Variants in FGF14 observed in about 807,000 individuals in gnomAD.
FGF14 encodes the protein fibroblast growth factor homologous factor 4.
In FGF14, 5 loss-of-function variants were observed where a neutral mutation model predicts 25.5. The ratio of observed to expected loss-of-function variants is 0.20; its 90% confidence interval spans 0.10 to 0.41. The LOEUF (loss-of-function observed/expected upper bound fraction) is 0.41, where lower values mean the gene tolerates loss of function less well. FGF14 is among the 10% of genes least tolerant of loss of function. FGF14 has a pLI of 1.00. For synonymous variants in FGF14, 138 were observed against 118.3 expected (o/e 1.17, Z -1.08); for missense variants, 222 against 320.1 (o/e 0.69, Z 2.34).
intron 1 of FGF14, among the ~76,000 whole-genome samples, chr13:102,327,558 G>A (rs2056494612): frequency 6.6e-6 from 1 of 152,122 alleles, no homozygotes; most frequent in Non-Finnish European, 1.5e-5. Flanking sequence ...AGATCAGCTG[G>A]GTGTGGTGGT....
chr13:102,075,109 C>T (rs1434191658), intron 1 of FGF14, among the ~76,000 whole-genome samples: 3 of 152,018 alleles, frequency 2.0e-5, no homozygotes, highest in African/African-American at 4.8e-5. Flanking sequence ...AAAAGGCATC[C>T]AAGACAGAGA....
intron 1 of FGF14, among the ~76,000 whole-genome samples, chr13:102,383,309 C>T (rs116441402): frequency 7.2e-4 from 110 of 151,912 alleles, no homozygotes; most frequent in African/African-American, 2.6e-3. Context: ...TGTTAGTATT[C>T]ATTAGACAAA....
intron 1 of FGF14, among the ~76,000 whole-genome samples, chr13:102,107,011 G>T (rs2044955814): frequency 6.6e-6 from 1 of 152,144 alleles, no homozygotes; most frequent in Non-Finnish European, 1.5e-5. Flanking sequence ...AGTGTGGACT[G>T]TTTCAGAATG....
At chr13:102,397,431 T>C (rs761897717) in intron 1 of FGF14, among the ~76,000 whole-genome samples, 3 of 152,128 alleles carry the variant, frequency 2.0e-5, no homozygotes, top group Non-Finnish European at 4.4e-5. Flanking sequence ...AAAAAGAGAA[T>C]TGATGGAATG....
intron 3 of FGF14, among the ~76,000 whole-genome samples, chr13:101,836,002 T>G (rs796683184): frequency 6.6e-6 from 1 of 151,954 alleles, no homozygotes; most frequent in Non-Finnish European, 1.5e-5. Context: ...GGGGTTTGCA[T>G]AGACCAGATG....
Position 101,720,528 on chromosome 13 carries a change from C to CTGTG in FGF14, c.*2302_*2303insCACA, listed in dbSNP as rs1491358179. The CTGTG allele has an allele frequency of 5.2e-4, 48 of 92,764 alleles. No homozygotes were observed. Among genetic ancestry groups the CTGTG allele is most frequent in the African/African-American group, 2.0e-3 (42 of 21,296 alleles). 5.7% of individuals were successfully genotyped at this position (92,764 alleles called of 1,614,324 possible). ...AGTAACAAATAGATGGGGGTGTTTG[C>CTGTG]TCTGTGTGTGTGTGTGTGTGTGTGT... On this transcript the variant is annotated 3_prime_UTR_variant, in exon 5 of 5. Transcript: ENST00000376143.
intron 1 of FGF14, among the ~76,000 whole-genome samples, chr13:102,359,940 T>C (rs1280540516): frequency 1.3e-5 from 2 of 151,998 alleles, no homozygotes; most frequent in Admixed American, 6.6e-5. Flanking sequence ...AAGGAAATCT[T>C]ATAGTATACA....
intron 3 of FGF14, among the ~76,000 whole-genome samples, chr13:101,759,202 C>T (rs557316451): frequency 6.6e-6 from 1 of 152,266 alleles, no homozygotes; most frequent in African/African-American, 2.4e-5. Context: ...CTGTCCCCTT[C>T]CACTAACCCC....
In FGF14 at chr13:102,235,859, C is replaced by T. The variant is rs150272506; in HGVS notation, c.208+165612G>A. Among the ~76,000 whole-genome samples the T allele has an allele frequency of 6.0e-3, 910 of 152,254 alleles. 4 individuals are homozygous for T. The highest frequency in any genetic ancestry group is 1.0e-2 in the Non-Finnish European group (677 of 68,006). ...GGCATTTTTAGGCACAGGATGTTTA[C>T]AATTCAGGGAACAGATTCGTAATAT... On this transcript the variant is annotated intron_variant, in intron 1 of 4. Coordinates refer to the FGF14 transcript ENST00000376131.
chr13:101,718,738 A>ATCTC lies in FGF14; in HGVS notation c.*4089_*4092dup, dbSNP rs2034814808. Reference sequence around the variant, plus strand: ...CTCCACTACCTCAAATGCAAACACAATCTCTGCCAGTAGACATTGGAATTA... The same window carrying ATCTC: ...CTCCACTACCTCAAATGCAAACACAATCTCTCTCTGCCAGTAGACATTGGAATTA... On this transcript the variant is annotated 3_prime_UTR_variant, in exon 5 of 5. Transcript: ENST00000376143. 1 of 151,920 alleles carries ATCTC rather than the reference A, an allele frequency of 6.6e-6. No homozygotes were observed. The highest frequency in any genetic ancestry group is 6.6e-5 in the Admixed American group (1 of 15,230). The allele number at this position is 151,920 out of a possible 1,614,324, so 9.4% of individuals were successfully genotyped here.
intron 1 of FGF14, among the ~76,000 whole-genome samples, chr13:102,157,973 A>G (rs2047427873): frequency 6.6e-6 from 1 of 152,230 alleles, no homozygotes; most frequent in Non-Finnish European, 1.5e-5. Flanking sequence ...ATAATGAGAT[A>G]CCATCTCACA....
chr13:101,880,700 T>C (rs532769755), intron 1 of FGF14, among the ~76,000 whole-genome samples: 1 of 152,288 alleles, frequency 6.6e-6, no homozygotes, highest in Admixed American at 6.5e-5. Flanking sequence ...TGTGTTAAAT[T>C]AGCGGGTTTG....
chr13:101,780,970 A>G (rs902901248), intron 3 of FGF14, among the ~76,000 whole-genome samples: 2 of 151,890 alleles, frequency 1.3e-5, no homozygotes, highest in African/African-American at 4.8e-5. Context: ...CTCTGCCTCT[A>G]TTTCGTGCGC....
intron 1 of FGF14, among the ~76,000 whole-genome samples, chr13:102,177,613 T>C (rs759476716): frequency 2.6e-5 from 4 of 152,136 alleles, no homozygotes; most frequent in African/African-American, 4.8e-5. Flanking sequence ...TATCCTATAA[T>C]GTTTTGTCAG....
intron 3 of FGF14, among the ~76,000 whole-genome samples, chr13:101,787,414 C>T (rs917420017): frequency 2.6e-5 from 4 of 152,244 alleles, no homozygotes; most frequent in Non-Finnish European, 4.4e-5. Context: ...TCCTATGGAT[C>T]GCATAACTCT....
chr13:102,084,643 T>C (rs2043803789), intron 1 of FGF14, among the ~76,000 whole-genome samples: 1 of 152,068 alleles, frequency 6.6e-6, no homozygotes, highest in Non-Finnish European at 1.5e-5. Context: ...TTATACATTG[T>C]CAAAGGAAGC....
At chr13:101,785,566 T>G (rs2039765644) in intron 3 of FGF14, among the ~76,000 whole-genome samples, 2 of 152,106 alleles carry the variant, frequency 1.3e-5, no homozygotes, top group African/African-American at 4.8e-5. Flanking sequence ...CAAGTTAAAC[T>G]TTAAGTTTAA....
intron 1 of FGF14, among the ~76,000 whole-genome samples, chr13:102,337,358 T>G (rs769486312): frequency 3.2e-4 from 49 of 152,160 alleles, no homozygotes; most frequent in South Asian, 8.3e-4. Flanking sequence ...AGCAAGAGAA[T>G]TAGAATTAGA....
chr13:101,818,217 T>C (rs2041937158), intron 3 of FGF14, among the ~76,000 whole-genome samples: 1 of 152,248 alleles, frequency 6.6e-6, no homozygotes, highest in Admixed American at 6.5e-5. Context: ...GATTCATTTT[T>C]GCTTCTCTTG....
Sources: allele counts gnomAD v4.1 joint callset (sites outside exome capture counted in the v4.1 genomes callset), GRCh38; gene constraint gnomAD v4.1.1; transcripts MANE v1.5; gene names NCBI Gene and HGNC (gene_info 2026-07-23, HGNC 2026-07-21).